CDKAL1: variants seen among roughly 807,000 people sequenced by gnomAD.
The protein encoded by CDKAL1 is CDKAL1 threonylcarbamoyladenosine tRNA methylthiotransferase, also known as threonylcarbamoyladenosine tRNA methylthiotransferase.
Under a neutral mutation model 68.2 loss-of-function variants are expected in CDKAL1, and 32 were observed. That is an observed-to-expected ratio of 0.47 (90% CI 0.35 to 0.63). CDKAL1 has a LOEUF of 0.63. CDKAL1 is among the 30% of genes least tolerant of loss of function. The probability of loss-of-function intolerance (pLI) is 0.00; values close to 1 mark genes in which losing one functional copy is unlikely to be tolerated. For synonymous variants in CDKAL1, 234 were observed against 244.3 expected (o/e 0.96, Z 0.39); for missense variants, 606 against 696.7 (o/e 0.87, Z 1.47).
chr6:21,155,773 G>C (rs929057248), intron 13 of CDKAL1, among the ~76,000 whole-genome samples: 1 of 152,186 alleles, frequency 6.6e-6, no homozygotes, highest in African/African-American at 2.4e-5. Flanking sequence ...CATAAAATCT[G>C]TGAGAAGGGC....
chr6:21,127,875 G>C (rs982584483), intron 13 of CDKAL1, among the ~76,000 whole-genome samples: 4 of 152,200 alleles, frequency 2.6e-5, no homozygotes, highest in Non-Finnish European at 4.4e-5. Context: ...TGGTACAGTA[G>C]AGTCTGAAGA....
At chr6:20,564,383 G>A (rs960663117) in intron 4 of CDKAL1, among the ~76,000 whole-genome samples, 2 of 152,120 alleles carry the variant, frequency 1.3e-5, no homozygotes, top group African/African-American at 2.4e-5. Context: ...CCAAAAGATG[G>A]CACTGTTTAC....
intron 4 of CDKAL1, among the ~76,000 whole-genome samples, chr6:20,560,204 A>T (rs17584626): frequency 0.26 from 39,317 of 152,220 alleles, 5,333 homozygotes; most frequent in Middle Eastern, 0.37. Context: ...TAATGCAATT[A>T]TTAGGCGTCA....
intron 11 of CDKAL1, among the ~76,000 whole-genome samples, chr6:21,030,492 A>T (rs924237140): frequency 2.0e-5 from 3 of 152,206 alleles, no homozygotes; most frequent in East Asian, 3.9e-4. Flanking sequence ...CTTAAAATTT[A>T]AAAAAAATTA....
chr6:20,755,278 C>T (rs1453059731), intron 6 of CDKAL1, among the ~76,000 whole-genome samples: 1 of 152,148 alleles, frequency 6.6e-6, no homozygotes, highest in Non-Finnish European at 1.5e-5. Flanking sequence ...TCACCTCTCA[C>T]TTCATCATAC....
At chr6:21,061,850 C>A (rs1278029926) in intron 11 of CDKAL1, among the ~76,000 whole-genome samples, 3 of 152,296 alleles carry the variant, frequency 2.0e-5, no homozygotes, top group East Asian at 1.9e-4. Context: ...TATAAGCAAT[C>A]AGTTTGTATT....
chr6:20,953,520 A>C (rs560348278), intron 9 of CDKAL1, among the ~76,000 whole-genome samples: 1 of 152,334 alleles, frequency 6.6e-6, no homozygotes, highest in South Asian at 2.1e-4. Flanking sequence ...AGAATGTTTT[A>C]AAATCTGTTT....
intron 12 of CDKAL1, among the ~76,000 whole-genome samples, chr6:21,094,840 A>G (rs1026415238): frequency 6.6e-6 from 1 of 152,254 alleles, no homozygotes; most frequent in Non-Finnish European, 1.5e-5. Context: ...ATAAAGCACT[A>G]TCTGTGTCAA....
At chr6:21,172,166 C>T (rs777350531) in intron 13 of CDKAL1, among the ~76,000 whole-genome samples, 2 of 152,102 alleles carry the variant, frequency 1.3e-5, no homozygotes, top group Non-Finnish European at 2.9e-5. Context: ...GGGTTATTTC[C>T]TTGAACCCTC....
chr6:20,767,818 A>G (rs1774766792), intron 7 of CDKAL1, among the ~76,000 whole-genome samples: 6 of 152,222 alleles, frequency 3.9e-5, no homozygotes, highest in Admixed American at 3.9e-4. Flanking sequence ...ATTATGAAGT[A>G]TACAGCAGAG....
intron 5 of CDKAL1, among the ~76,000 whole-genome samples, chr6:20,716,994 G>A (rs929488336): frequency 1.1e-4 from 17 of 152,058 alleles, no homozygotes; most frequent in Non-Finnish European, 2.4e-4. Flanking sequence ...AGAAGGAGGA[G>A]TGATCAGCTG....
intron 15 of CDKAL1, among the ~76,000 whole-genome samples, 178 bp downstream of exon 15, chr6:21,201,452 G>A (rs563256769): frequency 1.4e-4 from 21 of 152,282 alleles, no homozygotes; most frequent in East Asian, 3.9e-4. Context: ...TGCTGATGCC[G>A]ATAGCTTTGC....
chr6:20,652,098 G>C (rs1466975962), intron 5 of CDKAL1, among the ~76,000 whole-genome samples: 1 of 152,140 alleles, frequency 6.6e-6, no homozygotes, highest in Non-Finnish European at 1.5e-5. Flanking sequence ...CTTGTTTTCA[G>C]TTGTTTGGAG....
At position 21,204,266 on chromosome 6, in the gene CDKAL1, A is replaced by G. The variant is rs574449535; in HGVS notation, c.1548+2992A>G. Reference sequence around the variant, plus strand: ...TACACGAAAGTAGAGAGAATAGTATAATAATCCCACATACCTATTACCCAC... The same window carrying G: ...TACACGAAAGTAGAGAGAATAGTATGATAATCCCACATACCTATTACCCAC... On this transcript the variant is annotated intron_variant, in intron 15 of 15. Transcript: ENST00000274695. Among the ~76,000 whole-genome samples the G allele has an allele frequency of 1.8e-4, 27 of 152,322 alleles. No homozygotes were observed. The South Asian group carries it at 3.3e-3, about 19-fold the overall frequency.
chr6:21,144,618 C>T (rs1776073122), intron 13 of CDKAL1, among the ~76,000 whole-genome samples: 1 of 141,176 alleles, frequency 7.1e-6, no homozygotes, highest in African/African-American at 2.8e-5. Flanking sequence ...AACCCCATCT[C>T]TACAAAAAAT....
At chr6:20,758,036 C>G (rs1159229578) in intron 6 of CDKAL1, among the ~76,000 whole-genome samples, 1 of 152,042 alleles carries the variant, frequency 6.6e-6, no homozygotes, top group Non-Finnish European at 1.5e-5. Flanking sequence ...CTCTGTGTTC[C>G]CATGGCAAAG....
intron 12 of CDKAL1, among the ~76,000 whole-genome samples, chr6:21,088,090 A>G (rs1184724833): frequency 2.0e-5 from 3 of 152,178 alleles, no homozygotes; most frequent in South Asian, 4.1e-4. Flanking sequence ...GGGTAGGGTT[A>G]TGCCAGGGAC....
chr6:21,163,693 G>A (rs895226190), intron 13 of CDKAL1, among the ~76,000 whole-genome samples: 9 of 152,188 alleles, frequency 5.9e-5, no homozygotes, highest in South Asian at 2.1e-4. Flanking sequence ...GCTCATGCCT[G>A]TAATCCCAGC....
chr6:20,911,095 A>T (rs552854358), intron 9 of CDKAL1, among the ~76,000 whole-genome samples: 1 of 152,372 alleles, frequency 6.6e-6, no homozygotes, highest in South Asian at 2.1e-4. Flanking sequence ...TGTAATGCAA[A>T]CTAATAGCCT....
Sources: gnomAD v4.1 joint callset for allele counts (sites outside exome capture counted in the v4.1 genomes callset) on GRCh38, gnomAD v4.1.1 for gene constraint, MANE v1.5 for transcripts, NCBI Gene and HGNC (gene_info 2026-07-23, HGNC 2026-07-21) for gene names.